Variants in CDK14 observed in about 807,000 individuals in gnomAD.
CDK14 encodes cyclin dependent kinase 14.
Under a neutral mutation model 60.7 loss-of-function variants are expected in CDK14, and 34 were observed. The observed-to-expected ratio is 0.56, with a 90% CI of 0.43 to 0.75. The LOEUF is 0.75. Ranked by LOEUF, CDK14 falls within the 30% of genes least tolerant of loss-of-function variation. The probability of loss-of-function intolerance (pLI) is 0.00; values close to 1 mark genes in which losing one functional copy is unlikely to be tolerated. For synonymous variants in CDK14, 197 were observed against 203.7 expected (o/e 0.97, Z 0.28); for missense variants, 482 against 564.1 (o/e 0.85, Z 1.47).
intron 2 of CDK14, among the ~76,000 whole-genome samples, chr7:90,654,560 C>T (rs1263668397): frequency 1.3e-5 from 2 of 151,980 alleles, no homozygotes; most frequent in Non-Finnish European, 2.9e-5. Flanking sequence ...ATAAGTTCAC[C>T]GTAAGAACTC....
At chr7:91,124,718 A>G (rs1446735407) in intron 14 of CDK14, among the ~76,000 whole-genome samples, 1 of 152,096 alleles carries the variant, frequency 6.6e-6, no homozygotes, top group Non-Finnish European at 1.5e-5. Context: ...ACCCAAATTA[A>G]TTTCTTAGGG....
chr7:91,065,474 G>T (rs980487755), intron 11 of CDK14, among the ~76,000 whole-genome samples: 56 of 152,072 alleles, frequency 3.7e-4, no homozygotes, highest in African/African-American at 1.3e-3. Context: ...TAAAATTTTG[G>T]GAAAAGTCTG....
At chr7:90,751,675 A>C (rs1803852974) in intron 4 of CDK14, among the ~76,000 whole-genome samples, 1 of 152,296 alleles carries the variant, frequency 6.6e-6, no homozygotes, top group African/African-American at 2.4e-5. Flanking sequence ...TATCAATATT[A>C]ACTTTGAATA....
At chr7:90,615,829 T>C (rs1055014259) in intron 2 of CDK14, among the ~76,000 whole-genome samples, 4 of 152,188 alleles carry the variant, frequency 2.6e-5, no homozygotes, top group Non-Finnish European at 5.9e-5. Context: ...TTCAAAGTGC[T>C]CTGTAAAGAT....
intron 9 of CDK14, among the ~76,000 whole-genome samples, chr7:90,958,218 T>G (rs564147889): frequency 2.0e-5 from 3 of 152,194 alleles, no homozygotes; most frequent in African/African-American, 7.2e-5. Flanking sequence ...ACAGTGCAGA[T>G]TTTTTTATGT....
At chr7:91,026,517 G>C (rs1429804289) in intron 10 of CDK14, among the ~76,000 whole-genome samples, 1 of 152,130 alleles carries the variant, frequency 6.6e-6, no homozygotes, top group Non-Finnish European at 1.5e-5. Flanking sequence ...ATGTGTTAGA[G>C]TATCTTTGAT....
chr7:90,599,360 G>A (rs550336767), intron 1 of CDK14, among the ~76,000 whole-genome samples: 22 of 152,354 alleles, frequency 1.4e-4, no homozygotes, highest in Admixed American at 1.2e-3. Context: ...CATTGACTTT[G>A]TAGTGTAGCC....
intron 14 of CDK14, among the ~76,000 whole-genome samples, chr7:91,171,067 G>A (rs1347821882): frequency 2.0e-5 from 3 of 152,022 alleles, no homozygotes; most frequent in South Asian, 2.1e-4. Context: ...TGGCTTTTCC[G>A]GGCTGGGTGC....
At position 90,969,812 on chromosome 7, in the gene CDK14, G is replaced by A. The variant is rs574852895; in HGVS notation, c.947+13995G>A. 6.6e-5 allele frequency among the ~76,000 whole-genome samples: 10 copies of A among 151,958 alleles called. No homozygotes were observed. The South Asian group carries it at 1.9e-3, about 28-fold the overall frequency. ...TTTTCTTACAGTAGTCCTCGGTGAA[G>A]GCATTTCCTATTTATATTTTTATAC... On this transcript the variant is annotated intron_variant, in intron 9 of 14. Transcript: ENST00000380050.
chr7:91,000,879 A>G (rs1795816848), intron 10 of CDK14, among the ~76,000 whole-genome samples: 2 of 152,220 alleles, frequency 1.3e-5, no homozygotes, highest in African/African-American at 2.4e-5. Flanking sequence ...AACTCAGTGC[A>G]TTTCTAAATG....
chr7:90,670,964 TG>T (rs1801084718), intron 2 of CDK14, among the ~76,000 whole-genome samples: 1 of 152,134 alleles, frequency 6.6e-6, no homozygotes, highest in South Asian at 2.1e-4. Context: ...GAACAAAAGC[TG>T]GTGGGCTTTA....
At chr7:90,668,351 T>G in intron 2 of CDK14, among the ~76,000 whole-genome samples, 1 of 152,374 alleles carries the variant, frequency 6.6e-6, no homozygotes, top group South Asian at 2.1e-4. Flanking sequence ...AGCCTAGTTT[T>G]TAAGTAGGTT....
intron 10 of CDK14, among the ~76,000 whole-genome samples, chr7:91,021,850 G>C (rs1203722323): frequency 6.6e-6 from 1 of 152,210 alleles, no homozygotes; most frequent in Admixed American, 6.5e-5. Flanking sequence ...ACTGTTGAAT[G>C]ATGCCATTGG....
intron 5 of CDK14, among the ~76,000 whole-genome samples, chr7:90,819,436 A>G (rs940444203): frequency 5.3e-5 from 8 of 151,750 alleles, no homozygotes; most frequent in Non-Finnish European, 8.8e-5. Flanking sequence ...CCTATTTTAG[A>G]TAACTCATGT....
intron 8 of CDK14, among the ~76,000 whole-genome samples, chr7:90,944,795 G>C (rs1021075545): frequency 1.3e-5 from 2 of 152,192 alleles, no homozygotes; most frequent in Non-Finnish European, 2.9e-5. Flanking sequence ...TGTGGGGCAG[G>C]TGGCAGCTGT....
At chr7:90,742,214 G>T (rs1474671327) in intron 3 of CDK14, among the ~76,000 whole-genome samples, 7 of 151,926 alleles carry the variant, frequency 4.6e-5, no homozygotes, top group Non-Finnish European at 7.4e-5. Context: ...TTTAGTGGAA[G>T]TAGCCCTTAG....
At chr7:90,989,227 T>C (rs1795465085) in intron 10 of CDK14, among the ~76,000 whole-genome samples, 1 of 152,096 alleles carries the variant, frequency 6.6e-6, no homozygotes, top group South Asian at 2.1e-4. Flanking sequence ...AGCTTCATGA[T>C]TGGTTAGGGA....
intron 8 of CDK14, among the ~76,000 whole-genome samples, chr7:90,940,451 G>A (rs1353636941): frequency 6.6e-6 from 1 of 152,012 alleles, no homozygotes; most frequent in Admixed American, 6.6e-5. Flanking sequence ...TACAAACAAT[G>A]TCACAATGAA....
chr7:91,050,931 T>C (rs1014595924), intron 11 of CDK14, among the ~76,000 whole-genome samples: 3 of 152,188 alleles, frequency 2.0e-5, no homozygotes, highest in African/African-American at 7.2e-5. Context: ...TTGAGTGTGC[T>C]TTTGCTTTTA....
Sources: gnomAD v4.1 joint callset for allele counts (sites outside exome capture counted in the v4.1 genomes callset) on GRCh38, gnomAD v4.1.1 for gene constraint, MANE v1.5 for transcripts, NCBI Gene and HGNC (gene_info 2026-07-23, HGNC 2026-07-21) for gene names.